Variants in APBB2 observed in about 807,000 individuals in gnomAD.
APBB2 encodes amyloid beta precursor protein binding family B member 2, also known as Fe65-like 1.
In APBB2, 38 loss-of-function variants were observed where a neutral mutation model predicts 82.5. The ratio of observed to expected loss-of-function variants is 0.46; its 90% CI spans 0.36 to 0.60. APBB2 has a LOEUF of 0.60. Among genes scored for constraint, APBB2 ranks in the 20% least tolerant of loss-of-function variants. The pLI, the probability that APBB2 is intolerant of heterozygous loss-of-function variation, is 0.00. For missense variants in APBB2, 772 were observed against 972.3 expected (o/e 0.79, Z 2.74); for synonymous variants, 341 against 368.2 (o/e 0.93, Z 0.85).
At chr4:41,033,198 T>G (rs1717720958) in intron 5 of APBB2, 38 bp downstream of exon 5, 11 of 1,276,686 alleles carry the variant, frequency 8.6e-6, no homozygotes, top group African/African-American at 1.5e-5. Flanking sequence ...AATATTCAAC[T>G]GCTTCTCTGC....
chr4:40,944,631 G>C (rs1166804141), intron 7 of APBB2, among the ~76,000 whole-genome samples: 1 of 152,114 alleles, frequency 6.6e-6, no homozygotes, highest in Non-Finnish European at 1.5e-5. Flanking sequence ...CTTGCTTTCT[G>C]TACCTGGAAT....
intron 12 of APBB2, among the ~76,000 whole-genome samples, chr4:40,842,725 A>C (rs1756255337): frequency 6.6e-6 from 1 of 152,308 alleles, no homozygotes; most frequent in South Asian, 2.1e-4. Flanking sequence ...TTCCAGTTCC[A>C]CCTGCTCCCA....
intron 1 of APBB2, among the ~76,000 whole-genome samples, chr4:41,202,646 C>T (rs568786443): frequency 6.6e-6 from 1 of 152,198 alleles, no homozygotes; most frequent in South Asian, 2.1e-4. Flanking sequence ...ATTCACATTG[C>T]GTTGTTTAAC....
rs576521833 is a variant in APBB2, at chr4:41,210,544, G to A, written c.-417+3861C>T. ...TGCCGTCAACACATATCAGCATGCA[G>A]AATATGCACTAATAACACATTAAAA... On this transcript the variant is annotated intron_variant, in intron 1 of 17. Coordinates refer to ENST00000508593, the MANE Select transcript of APBB2 (RefSeq NM_004307.2). 2.6e-4 allele frequency among the ~76,000 whole-genome samples: 40 copies of A among 152,316 alleles called. 1 individual carries two copies. Among genetic ancestry groups the A allele is most frequent in the African/African-American group, 9.4e-4 (39 of 41,560 alleles).
intron 1 of APBB2, among the ~76,000 whole-genome samples, chr4:41,200,322 T>C (rs1776389531): frequency 6.6e-6 from 1 of 152,220 alleles, no homozygotes; most frequent in Non-Finnish European, 1.5e-5. Context: ...GAGGAAGTAC[T>C]AACAGGTTAT....
At chr4:40,825,350 G>A (rs1749531629) in intron 15 of APBB2, among the ~76,000 whole-genome samples, 1 of 152,180 alleles carries the variant, frequency 6.6e-6, no homozygotes, top group African/African-American at 2.4e-5. Flanking sequence ...TGTAGCTTGC[G>A]ATTTCTCCAC....
At chr4:41,095,711 C>T (rs1463242118) in intron 3 of APBB2, among the ~76,000 whole-genome samples, 4 of 151,904 alleles carry the variant, frequency 2.6e-5, no homozygotes, top group East Asian at 1.9e-4. Flanking sequence ...GCTGCTCACA[C>T]GTACACTTCT....
chr4:41,106,921 T>G (rs1470433286), intron 2 of APBB2, among the ~76,000 whole-genome samples: 1 of 151,192 alleles, frequency 6.6e-6, no homozygotes, highest in Admixed American at 6.6e-5. Context: ...AGCAAGGGAG[T>G]GCTCAAATGC....
At chr4:40,842,625 T>C (rs1756219209) in intron 12 of APBB2, 1 of 203,796 alleles carries the variant, frequency 4.9e-6, no homozygotes, top group Non-Finnish European at 1.1e-5. Flanking sequence ...AGGCAACATA[T>C]CAACTGGGGG....
chr4:40,897,688 TG>T (rs1292591801), intron 10 of APBB2, among the ~76,000 whole-genome samples: 1 of 151,692 alleles, frequency 6.6e-6, no homozygotes, highest in Non-Finnish European at 1.5e-5. Flanking sequence ...AGGAAACAGG[TG>T]TAAGCGGGAC....
chr4:40,997,643 A>G (rs946566959), intron 6 of APBB2, among the ~76,000 whole-genome samples: 1 of 152,136 alleles, frequency 6.6e-6, no homozygotes, highest in African/African-American at 2.4e-5. Context: ...GATTGAAGCT[A>G]TTTTCATAAC....
At chr4:41,044,169 C>A (rs1722537791) in intron 4 of APBB2, among the ~76,000 whole-genome samples, 1 of 152,156 alleles carries the variant, frequency 6.6e-6, no homozygotes, top group Non-Finnish European at 1.5e-5. Context: ...TTAGGAGATG[C>A]TTTCCTTCAT....
intron 6 of APBB2, among the ~76,000 whole-genome samples, chr4:41,006,473 A>T (rs1024495719): frequency 6.6e-6 from 1 of 151,644 alleles, no homozygotes; most frequent in Non-Finnish European, 1.5e-5. Context: ...TTATTTTTTT[A>T]TTTTTTTTGA....
intron 3 of APBB2, among the ~76,000 whole-genome samples, chr4:41,095,486 C>G (rs1047713083): frequency 6.6e-6 from 1 of 152,232 alleles, no homozygotes; most frequent in South Asian, 2.1e-4. Context: ...CATTGACATA[C>G]AGCCAATAGC....
intron 12 of APBB2, among the ~76,000 whole-genome samples, chr4:40,884,348 T>G (rs1644731224): frequency 6.6e-6 from 1 of 152,206 alleles, no homozygotes; most frequent in African/African-American, 2.4e-5. Flanking sequence ...TCTAAATAAT[T>G]AATCCCAATA....
intron 12 of APBB2, among the ~76,000 whole-genome samples, chr4:40,876,457 C>T (rs1008451502): frequency 6.6e-6 from 1 of 152,170 alleles, no homozygotes; most frequent in African/African-American, 2.4e-5. Flanking sequence ...CAATCACACA[C>T]TACCTTTTTT....
intron 7 of APBB2, among the ~76,000 whole-genome samples, chr4:40,942,295 G>T (rs1787206927): frequency 6.6e-6 from 1 of 152,148 alleles, no homozygotes; most frequent in Non-Finnish European, 1.5e-5. Flanking sequence ...CTAAAAATAT[G>T]CACCTTTAAC....
intron 4 of APBB2, among the ~76,000 whole-genome samples, chr4:41,039,287 C>T (rs1215758531): frequency 1.3e-5 from 2 of 152,166 alleles, no homozygotes; most frequent in African/African-American, 4.8e-5. Flanking sequence ...AAGTAGTGGA[C>T]CCCTTCCACA....
chr4:40,850,071 T>C (rs541926078), intron 12 of APBB2, among the ~76,000 whole-genome samples: 43 of 152,212 alleles, frequency 2.8e-4, no homozygotes, highest in Non-Finnish European at 5.3e-4. Context: ...TTCAGCATCA[T>C]TTTTCCTTTT....
Sources: allele counts gnomAD v4.1 joint callset (sites outside exome capture counted in the v4.1 genomes callset), GRCh38; gene constraint gnomAD v4.1.1; transcripts MANE v1.5; gene names NCBI Gene and HGNC (gene_info 2026-07-23, HGNC 2026-07-21).